XKR4: variants seen among roughly 807,000 people sequenced by gnomAD.
XKR4 encodes XK related 4, also known as XK-related protein 4.
In XKR4, 12 loss-of-function variants were observed where a neutral mutation model predicts 53.9. The ratio of observed to expected loss-of-function variants is 0.22; its 90% CI spans 0.14 to 0.36. The LOEUF is 0.36. Among genes scored for constraint, XKR4 ranks in the 10% least tolerant of loss-of-function variants. The pLI is 1.00. For missense variants in XKR4, 799 were observed against 859.5 expected, an observed-to-expected ratio of 0.93 and a Z score of 0.88; for synonymous variants, 354 against 362.4, an observed-to-expected ratio of 0.98 and a Z score of 0.26.
intron 1 of XKR4, among the ~76,000 whole-genome samples, chr8:55,207,660 A>G (rs915892033): frequency 1.1e-5 from 1 of 94,040 alleles, no homozygotes; most frequent in African/African-American, 4.0e-5. Context: ...GCGCACACAC[A>G]CACACGTCTT....
At chr8:55,123,376 A>T (rs950713923) in intron 1 of XKR4, among the ~76,000 whole-genome samples, 6 of 152,240 alleles carry the variant, frequency 3.9e-5, no homozygotes, top group Non-Finnish European at 7.3e-5. Flanking sequence ...TATGATGCCC[A>T]GGACGTTCCC....
intron 2 of XKR4, among the ~76,000 whole-genome samples, chr8:55,509,883 G>A (rs910328757): frequency 6.6e-6 from 1 of 152,184 alleles, no homozygotes; most frequent in African/African-American, 2.4e-5. Flanking sequence ...AGTGCTCCTG[G>A]TTAACCAAGA....
At chr8:55,169,003 G>A (rs567348941) in intron 1 of XKR4, among the ~76,000 whole-genome samples, 2 of 152,180 alleles carry the variant, frequency 1.3e-5, no homozygotes, top group Admixed American at 6.5e-5. Context: ...AAATTGATAG[G>A]TTTATTTGTT....
chr8:55,104,736 T>A (rs1447374458), intron 1 of XKR4, among the ~76,000 whole-genome samples: 1 of 47,234 alleles, frequency 2.1e-5, no homozygotes, highest in African/African-American at 7.5e-5. Flanking sequence ...GTCAGACAAA[T>A]TGATGTTGGA....
At chr8:55,284,146 C>T (rs931437224) in intron 1 of XKR4, among the ~76,000 whole-genome samples, 1 of 151,994 alleles carries the variant, frequency 6.6e-6, no homozygotes, top group Non-Finnish European at 1.5e-5. Context: ...AGATGATGGC[C>T]AAGGTGTTAG....
intron 2 of XKR4, among the ~76,000 whole-genome samples, chr8:55,407,581 T>C (rs917390648): frequency 2.0e-5 from 3 of 151,996 alleles, no homozygotes; most frequent in African/African-American, 7.2e-5. Context: ...TGCCCCGGGC[T>C]CAACATCGGC....
intron 1 of XKR4, among the ~76,000 whole-genome samples, chr8:55,213,607 C>A (rs1292048521): frequency 6.6e-6 from 1 of 152,072 alleles, no homozygotes; most frequent in Non-Finnish European, 1.5e-5. Context: ...GGCTCCCAGG[C>A]AAGAAGGGGG....
At chr8:55,454,481 G>T in intron 2 of XKR4, 1 of 1,192,110 alleles carries the variant, frequency 8.4e-7, no homozygotes, top group Non-Finnish European at 1.2e-6. Context: ...CATGAGGGTG[G>T]CACAGACCAA....
At chr8:55,392,616 C>T (rs1804459023) in intron 2 of XKR4, among the ~76,000 whole-genome samples, 1 of 152,050 alleles carries the variant, frequency 6.6e-6, no homozygotes. Flanking sequence ...TATAGCCAAA[C>T]CCTATTTCTA....
chr8:55,274,661 G>A (rs376808136), intron 1 of XKR4, among the ~76,000 whole-genome samples: 14 of 152,068 alleles, frequency 9.2e-5, no homozygotes, highest in Non-Finnish European at 1.5e-4. Flanking sequence ...TCGAACTCCT[G>A]GCCTCAAGTG....
At chr8:55,183,414 T>C (rs373012845) in intron 1 of XKR4, among the ~76,000 whole-genome samples, 2 of 152,058 alleles carry the variant, frequency 1.3e-5, no homozygotes, top group African/African-American at 4.8e-5. Flanking sequence ...GCCCATAAAT[T>C]TTTATGATGT....
At chr8:55,380,592 T>C (rs1804217073) in intron 2 of XKR4, among the ~76,000 whole-genome samples, 1 of 152,272 alleles carries the variant, frequency 6.6e-6, no homozygotes, top group African/African-American at 2.4e-5. Flanking sequence ...TTAGTTATTT[T>C]TAATGTTTTC....
chr8:55,522,602 C>T (rs2129405906), intron 2 of XKR4, among the ~76,000 whole-genome samples: 1 of 152,298 alleles, frequency 6.6e-6, no homozygotes, highest in South Asian at 2.1e-4. Flanking sequence ...CCCCTTCAAT[C>T]ATGGAATCAC....
chr8:55,452,597 C>G, intron 2 of XKR4: 1 of 1,019,420 alleles, frequency 9.8e-7, no homozygotes, highest in Non-Finnish European at 1.5e-6. Context: ...CCTCCAGGGT[C>G]TTAATGTTTA....
chr8:55,316,020 CA>C (rs1299418873), intron 1 of XKR4, among the ~76,000 whole-genome samples: 2 of 152,086 alleles, frequency 1.3e-5, no homozygotes, highest in African/African-American at 4.8e-5. Context: ...TAGAAGAAGC[CA>C]AAAACAATCA....
intron 1 of XKR4, among the ~76,000 whole-genome samples, chr8:55,355,135 C>T (rs1388392753): frequency 6.6e-6 from 1 of 151,696 alleles, no homozygotes; most frequent in East Asian, 1.9e-4. Flanking sequence ...AACTCCTGAC[C>T]TCAGGTGGTC....
rs1816079182 is a variant in XKR4, at chr8:55,103,088, T to G, written c.600T>G (p.Ser200=). ...GCAAGACGGTGGTCGGCGGTGGGTCTGCAGCCGGGGAAGGCGAGGCTCGTC... is the reference window on the plus strand; with the variant it reads ...GCAAGACGGTGGTCGGCGGTGGGTCGGCAGCCGGGGAAGGCGAGGCTCGTC... ...ADCKTVVGGG[S]AAGEGEARPS... Residue 200 remains serine (S), a synonymous_variant, in exon 1 of 3, where the codon TCT becomes TCG. Coordinates refer to ENST00000327381, the MANE Select transcript of XKR4 (RefSeq NM_052898.2). The G allele has an allele frequency of 6.2e-7, 1 of 1,612,882 alleles. No homozygotes were observed. Among genetic ancestry groups the G allele is most frequent in the African/African-American group, 1.3e-5 (1 of 74,878 alleles).
chr8:55,339,676 G>A lies in XKR4; in HGVS notation c.807-18002G>A, dbSNP rs1392902854. 2.6e-5 allele frequency among the ~76,000 whole-genome samples: 4 copies of A among 152,144 alleles called. No homozygotes were observed. In the East Asian group the frequency reaches 5.8e-4, roughly 22 times the overall value. On this transcript the variant is annotated intron_variant, in intron 1 of 2. Coordinates refer to ENST00000327381, the MANE Select transcript of XKR4 (RefSeq NM_052898.2). ...AACAGGAGGACGTAGGCAGTCCTTC[G>A]TTATCTGTGCAGCATGCTAAAAATT...
At chr8:55,508,712 C>A (rs1055502177) in intron 2 of XKR4, among the ~76,000 whole-genome samples, 2 of 152,220 alleles carry the variant, frequency 1.3e-5, no homozygotes, top group Admixed American at 1.3e-4. Context: ...AGGGGCTAGT[C>A]TGGGGCAACC....
Sources: gnomAD v4.1 joint callset for allele counts (sites outside exome capture counted in the v4.1 genomes callset) on GRCh38, gnomAD v4.1.1 for gene constraint, MANE v1.5 for transcripts, NCBI Gene and HGNC (gene_info 2026-07-23, HGNC 2026-07-21) for gene names.